The following ZC2HC1A variants were observed in gnomAD, a reference collection of about 807,000 sequenced individuals.
ZC2HC1A encodes zinc finger C2HC-type containing 1A, also known as zinc finger C2HC domain-containing protein 1A.
Under a neutral mutation model 40.7 loss-of-function variants are expected in ZC2HC1A, and 28 were observed. The ratio of observed to expected loss-of-function variants is 0.69; its 90% CI spans 0.51 to 0.94. ZC2HC1A has a LOEUF of 0.94. Ranked by LOEUF, ZC2HC1A falls within the 40% of genes least tolerant of loss-of-function variation. ZC2HC1A has a pLI of 0.00. For missense variants in ZC2HC1A, 389 were observed against 386.3 expected, an observed-to-expected ratio of 1.01 and a Z score of -0.06; for synonymous variants, 129 against 129.2, an observed-to-expected ratio of 1.00 and a Z score of 0.01.
chr8:78,700,177 T>C (rs1810554774), intron 7 of ZC2HC1A, among the ~76,000 whole-genome samples: 1 of 152,254 alleles, frequency 6.6e-6, no homozygotes, highest in Non-Finnish European at 1.5e-5. Context: ...TGTGAGATAA[T>C]ACCTCATTGT....
intron 7 of ZC2HC1A, among the ~76,000 whole-genome samples, chr8:78,711,642 A>G (rs1331543602): frequency 6.6e-6 from 1 of 152,096 alleles, no homozygotes; most frequent in Non-Finnish European, 1.5e-5. Context: ...AAGAAAAATC[A>G]TTTGTGAATA....
intron 7 of ZC2HC1A, among the ~76,000 whole-genome samples, chr8:78,698,955 A>G (rs553234359): frequency 6.6e-6 from 1 of 152,192 alleles, no homozygotes; most frequent in South Asian, 2.1e-4. Context: ...GACGCAATAT[A>G]TAAATTGGGA....
chr8:78,689,357 C>A lies in ZC2HC1A; in HGVS notation c.488C>A (p.Thr163Asn). 1 of 1,591,944 alleles carries A rather than the reference C, an allele frequency of 6.3e-7. No individual in the cohort carries two copies. Among genetic ancestry groups the A allele is most frequent in the South Asian group, 1.1e-5 (1 of 86,960 alleles). ...TCTACAGATACCAAAGGAAAACCAA[C>A]TTCTCGGACACAGGTGGTAAGTTCA... ...KFSTDTKGKP[T>N]SRTQVYKPPA... The change falls in exon 5 of 9, where the codon ACT (threonine) becomes AAT (asparagine). Residue 163 changes from threonine (T) to asparagine (N), a missense_variant. Coordinates refer to ENST00000263849, the MANE Select transcript of ZC2HC1A (RefSeq NM_016010.3).
rs994068983 is a variant in ZC2HC1A, at chr8:78,712,027, A to G, written c.705-3194A>G. 4.7e-6 allele frequency: 6 copies of G among 1,289,648 alleles called. No homozygotes were observed. In the African/African-American group the frequency reaches 9.1e-5, roughly 20 times the overall value. The allele number at this position is 1,289,648 out of a possible 1,614,324, so 79.9% of individuals were successfully genotyped here. On this transcript the variant is annotated intron_variant, in intron 7 of 8. Coordinates refer to ENST00000263849, the MANE Select transcript of ZC2HC1A (RefSeq NM_016010.3). The stretch of plus-strand genomic sequence containing the variant: ...GTTAGGCCCTCCACTTCGAACGGGA[A>G]GACTTGTGCAAAGGTTGTATGACAG...
chr8:78,700,753 A>C (rs1810576909), intron 7 of ZC2HC1A, among the ~76,000 whole-genome samples: 1 of 152,172 alleles, frequency 6.6e-6, no homozygotes, highest in African/African-American at 2.4e-5. Context: ...CCTTTTATTA[A>C]ATAGGGAATC....
intron 3 of ZC2HC1A, among the ~76,000 whole-genome samples, chr8:78,682,462 CAA>C (rs759156179): frequency 2.0e-5 from 3 of 152,112 alleles, no homozygotes; most frequent in African/African-American, 7.2e-5. Flanking sequence ...TGGCGGCAGA[CAA>C]GAGCAGGGGA....
chr8:78,713,598 C>A (rs1030523685), intron 7 of ZC2HC1A, among the ~76,000 whole-genome samples: 2 of 152,114 alleles, frequency 1.3e-5, no homozygotes, highest in Non-Finnish European at 2.9e-5. Context: ...TAGAGTAAAC[C>A]TCATGAATGG....
chr8:78,689,642 T>C (rs1293636801), intron 5 of ZC2HC1A, among the ~76,000 whole-genome samples: 1 of 151,902 alleles, frequency 6.6e-6, no homozygotes, highest in Non-Finnish European at 1.5e-5. Flanking sequence ...ATATAAAATA[T>C]ATAAAAACAT....
Position 78,718,495 on chromosome 8 carries a change from T to C in ZC2HC1A, c.*1002T>C, listed in dbSNP as rs1410097499. ...GTGCAGAGCATGCAGATAAAAAATA[T>C]TTGAATTTTTTTTTCTTGGAAGTAC... is the stretch of plus-strand genomic sequence containing the variant. On this transcript the variant is annotated 3_prime_UTR_variant, in exon 9 of 9. Transcript: ENST00000263849. 1 of 151,886 alleles carries C rather than the reference T, an allele frequency of 6.6e-6. No homozygotes were observed. The highest frequency in any genetic ancestry group is 2.4e-5 in the African/African-American group (1 of 41,424). The allele number at this position is 151,886 out of a possible 1,614,324, so 9.4% of individuals were successfully genotyped here. A position where few individuals can be genotyped will look rare whatever the true frequency, so the allele number is the denominator to read the frequency against.
In ZC2HC1A at chr8:78,674,933, G is replaced by C. The variant is rs562396440; in HGVS notation, c.17-854G>C. Among the ~76,000 whole-genome samples, 407 of 152,018 alleles carry C rather than the reference G, an allele frequency of 2.7e-3. 2 individuals carry two copies. The highest frequency in any genetic ancestry group is 2.7e-3 in the Non-Finnish European group (182 of 67,892). On this transcript the variant is annotated intron_variant, in intron 1 of 8. Coordinates refer to ENST00000263849, the MANE Select transcript of ZC2HC1A (RefSeq NM_016010.3). ...CTAAAATATTCAGCAGAAACTATGG[G>C]GAACATGTTACATGTTTAAGTATCA...
intron 7 of ZC2HC1A, among the ~76,000 whole-genome samples, chr8:78,706,497 G>A (rs555630267): frequency 5.3e-5 from 8 of 152,126 alleles, no homozygotes; most frequent in Admixed American, 2.0e-4. Flanking sequence ...GCAAAGATCC[G>A]TTGGAGAAGC....
At chr8:78,704,824 C>T (rs530641084) in intron 7 of ZC2HC1A, among the ~76,000 whole-genome samples, 114 of 152,178 alleles carry the variant, frequency 7.5e-4, no homozygotes, top group African/African-American at 2.6e-3. Context: ...CTATTCTTGT[C>T]AGCGTGTCTT....
At chr8:78,694,270 T>C (rs1810322041) in intron 5 of ZC2HC1A, among the ~76,000 whole-genome samples, 1 of 142,898 alleles carries the variant, frequency 7.0e-6, no homozygotes, top group African/African-American at 2.5e-5. Context: ...AAGTGACTTG[T>C]ATGGATATGT....
intron 5 of ZC2HC1A, among the ~76,000 whole-genome samples, chr8:78,691,847 C>T (rs1381296395): frequency 6.6e-6 from 1 of 152,012 alleles, no homozygotes; most frequent in Non-Finnish European, 1.5e-5. Context: ...ATAGGCCTAT[C>T]AGTACTCTTG....
At chr8:78,687,410 A>G (rs938721948) in intron 4 of ZC2HC1A, among the ~76,000 whole-genome samples, 2 of 149,152 alleles carry the variant, frequency 1.3e-5, no homozygotes, top group Admixed American at 1.4e-4. Context: ...TAGATTTTAT[A>G]TGCCATAAGG....
intron 1 of ZC2HC1A, among the ~76,000 whole-genome samples, chr8:78,666,772 G>A (rs1257524934): frequency 6.6e-6 from 1 of 152,196 alleles, no homozygotes; most frequent in African/African-American, 2.4e-5. Flanking sequence ...CACGGCCGCT[G>A]TGTGAGGAAG....
chr8:78,685,228 A>T (rs1423994074), intron 3 of ZC2HC1A, among the ~76,000 whole-genome samples: 1 of 145,406 alleles, frequency 6.9e-6, no homozygotes, highest in Non-Finnish European at 1.5e-5. Flanking sequence ...GGGGAGAGTC[A>T]CTAAAGGATA....
chr8:78,683,412 T>C (rs1039671696), intron 3 of ZC2HC1A, among the ~76,000 whole-genome samples: 1 of 152,232 alleles, frequency 6.6e-6, no homozygotes, highest in African/African-American at 2.4e-5. Flanking sequence ...ACCTGTGGGC[T>C]CAACACCATG....
chr8:78,669,971 C>CTTTTTT (rs566684768), intron 1 of ZC2HC1A, among the ~76,000 whole-genome samples: 3 of 126,282 alleles, frequency 2.4e-5, no homozygotes, highest in Admixed American at 8.4e-5. Context: ...TTCTTTCTTT[C>CTTTTTT]TTTTTTTTTT....
Sources: allele counts gnomAD v4.1 joint callset (sites outside exome capture counted in the v4.1 genomes callset), GRCh38; gene constraint gnomAD v4.1.1; transcripts MANE v1.5; gene names NCBI Gene and HGNC (gene_info 2026-07-23, HGNC 2026-07-21).